Variants in RAB31 observed in about 807,000 individuals in gnomAD.
RAB31 encodes the protein RAB31, member RAS oncogene family.
A neutral mutation model predicts 25.6 loss-of-function variants in RAB31; 21 were observed. That is an observed-to-expected ratio of 0.82 (90% confidence interval 0.58 to 1.18). The LOEUF (loss-of-function observed/expected upper bound fraction) is 1.18. Among genes scored for constraint, RAB31 ranks in the 50% most tolerant of loss-of-function variants. The pLI is 0.00. For synonymous variants in RAB31, 87 were observed against 84.0 expected, an observed-to-expected ratio of 1.04 and a Z score of -0.20; for missense variants, 196 against 250.1, an observed-to-expected ratio of 0.78 and a Z score of 1.46.
intron 5 of RAB31, among the ~76,000 whole-genome samples, chr18:9,820,817 G>C (rs996696244): frequency 6.6e-6 from 1 of 151,772 alleles, no homozygotes; most frequent in African/African-American, 2.4e-5. Flanking sequence ...TCGATAGTTT[G>C]TCAGTTTTGT....
intron 5 of RAB31, among the ~76,000 whole-genome samples, chr18:9,845,171 T>A (rs2068754703): frequency 2.0e-5 from 3 of 152,196 alleles, no homozygotes; most frequent in South Asian, 4.1e-4. Context: ...TGAAAGATAA[T>A]ATGTAAAAAG....
chr18:9,747,019 T>C (rs1013968198), intron 1 of RAB31, among the ~76,000 whole-genome samples: 4 of 152,184 alleles, frequency 2.6e-5, no homozygotes, highest in Non-Finnish European at 4.4e-5. Context: ...CAAATATCTG[T>C]TAAGGGCCTG....
chr18:9,809,746 A>T (rs931439014), intron 3 of RAB31, among the ~76,000 whole-genome samples: 1 of 152,254 alleles, frequency 6.6e-6, no homozygotes, highest in Non-Finnish European at 1.5e-5. Context: ...TTTCAGCATC[A>T]TTGATAATTT....
At chr18:9,715,999 A>G (rs1357402380) in intron 1 of RAB31, among the ~76,000 whole-genome samples, 1 of 152,242 alleles carries the variant, frequency 6.6e-6, no homozygotes, top group Non-Finnish European at 1.5e-5. Flanking sequence ...TAAATTGAAC[A>G]TGAACACAGG....
chr18:9,750,465 G>T (rs1322784031), intron 1 of RAB31, among the ~76,000 whole-genome samples: 1 of 152,138 alleles, frequency 6.6e-6, no homozygotes, highest in African/African-American at 2.4e-5. Context: ...CTGGGGCCCT[G>T]GGAAGTCATT....
chr18:9,764,724 C>G (rs1422515820), intron 1 of RAB31, among the ~76,000 whole-genome samples: 2 of 151,958 alleles, frequency 1.3e-5, no homozygotes, highest in African/African-American at 2.4e-5. Flanking sequence ...AAATGTGGCA[C>G]CTTATTCTCT....
intron 1 of RAB31, among the ~76,000 whole-genome samples, chr18:9,757,041 T>TTCTG (rs1162710943): frequency 6.6e-6 from 1 of 152,222 alleles, no homozygotes; most frequent in Admixed American, 6.5e-5. Flanking sequence ...CCTCTCTTGT[T>TTCTG]TCTGGGTTAT....
intron 5 of RAB31, among the ~76,000 whole-genome samples, chr18:9,836,605 T>C (rs568672052): frequency 6.6e-6 from 1 of 152,330 alleles, no homozygotes; most frequent in African/African-American, 2.4e-5. Flanking sequence ...GCTGGGAAGC[T>C]TGCTACAGTG....
At chr18:9,748,511 CA>C (rs1401332203) in intron 1 of RAB31, among the ~76,000 whole-genome samples, 1 of 149,746 alleles carries the variant, frequency 6.7e-6, no homozygotes, top group African/African-American at 2.5e-5. Flanking sequence ...GTCTCAAAAA[CA>C]AAAAAGCTAC....
Position 9,769,176 on chromosome 18 carries a change from G to A in RAB31, c.40-6102G>A, listed in dbSNP as rs187321555. Among the ~76,000 whole-genome samples the A allele has an allele frequency of 3.7e-4, 57 of 152,160 alleles. 1 individual carries two copies. The highest frequency in any genetic ancestry group is 1.2e-3 in the African/African-American group (51 of 41,494). ...TTGCTTAGGATTGTCTTGGCTATAC[G>A]GGCTCTTTTTTTGTTCCATATGAAA... On this transcript the variant is annotated intron_variant, in intron 1 of 6. Transcript: ENST00000578921.
At chr18:9,783,965 A>T (rs767168783) in intron 2 of RAB31, among the ~76,000 whole-genome samples, 2 of 152,202 alleles carry the variant, frequency 1.3e-5, no homozygotes, top group Non-Finnish European at 2.9e-5. Context: ...GTTGGTACCA[A>T]CTAAGTTTGG....
At chr18:9,715,926 G>C (rs1363515242) in intron 1 of RAB31, among the ~76,000 whole-genome samples, 1 of 152,084 alleles carries the variant, frequency 6.6e-6, no homozygotes, top group Non-Finnish European at 1.5e-5. Flanking sequence ...AAATACTTCA[G>C]TATGTGTCTT....
chr18:9,831,478 C>A (rs1251874381), intron 5 of RAB31, among the ~76,000 whole-genome samples: 1 of 152,216 alleles, frequency 6.6e-6, no homozygotes, highest in East Asian at 1.9e-4. Context: ...AAACACAGTC[C>A]CTTCTTCAAG....
intron 1 of RAB31, among the ~76,000 whole-genome samples, chr18:9,767,608 G>A (rs190083558): frequency 2.6e-5 from 4 of 152,282 alleles, no homozygotes; most frequent in East Asian, 1.9e-4. Context: ...CCCTTTTCAC[G>A]TTCAATAAGA....
intron 3 of RAB31, among the ~76,000 whole-genome samples, chr18:9,812,972 C>T (rs112493933): frequency 0.028 from 4,255 of 152,204 alleles, 130 homozygotes; most frequent in East Asian, 0.075. Context: ...GTTGGGATTA[C>T]AGGCGTGAGC....
chr18:9,801,614 A>G (rs980164718), intron 3 of RAB31, among the ~76,000 whole-genome samples: 2 of 152,134 alleles, frequency 1.3e-5, no homozygotes, highest in African/African-American at 4.8e-5. Flanking sequence ...TTAGGTATGT[A>G]TCTAGAAGTG....
At chr18:9,776,432 T>C (rs1458845971) in intron 2 of RAB31, among the ~76,000 whole-genome samples, 1 of 152,170 alleles carries the variant, frequency 6.6e-6, no homozygotes, top group Non-Finnish European at 1.5e-5. Context: ...AATAAATAGA[T>C]GCTCAAGAGT....
intron 6 of RAB31, among the ~76,000 whole-genome samples, chr18:9,850,520 A>G (rs1032034582): frequency 2.0e-5 from 3 of 152,228 alleles, no homozygotes; most frequent in African/African-American, 7.2e-5. Context: ...GGCTCAGCAG[A>G]AAAATGTCTG....
At chr18:9,733,987 A>C (rs969607319) in intron 1 of RAB31, among the ~76,000 whole-genome samples, 1 of 151,718 alleles carries the variant, frequency 6.6e-6, no homozygotes, top group Non-Finnish European at 1.5e-5. Context: ...GTATCTATTA[A>C]TACAAATGTA....
Sources: gnomAD v4.1 joint callset for allele counts (sites outside exome capture counted in the v4.1 genomes callset) on GRCh38, gnomAD v4.1.1 for gene constraint, MANE v1.5 for transcripts, NCBI Gene and HGNC (gene_info 2026-07-23, HGNC 2026-07-21) for gene names.